IL27RA: variants seen among roughly 807,000 people sequenced by gnomAD.
IL27RA encodes interleukin-27 receptor subunit alpha.
A neutral mutation model predicts 80.8 loss-of-function variants in IL27RA; 61 were observed. The observed-to-expected ratio is 0.76, with a 90% CI of 0.61 to 0.93. The LOEUF (loss-of-function observed/expected upper bound fraction) is 0.93. Among genes scored for constraint, IL27RA ranks in the 40% least tolerant of loss-of-function variants. The pLI, the probability that IL27RA is intolerant of heterozygous loss-of-function variation, is 0.00. For synonymous variants in IL27RA, 316 were observed against 332.5 expected (o/e 0.95, Z 0.54); for missense variants, 735 against 808.1 (o/e 0.91, Z 1.10).
At chr19:14,032,254 C>G in intron 1 of IL27RA, 132 bp from the exon 2 acceptor site, 2 of 762,498 alleles carry the variant, frequency 2.6e-6, no homozygotes, top group Non-Finnish European at 4.4e-6. Flanking sequence ...GGGTGCCTAG[C>G]GCCTCCCTTC....
rs1423372403 is a variant in IL27RA at position 14,052,237 on chromosome 19, A to G, written c.1858A>G (p.Thr620Ala). ...TGGGTATGAGAAGCACTTCCTGCCC[A>G]CACCTGAGGAGCTGGGCCTTCTGGG... ...DSGYEKHFLP[T>A]PEELGLLGPP... The change falls in exon 14 of 14, where the codon ACA (threonine) becomes GCA (alanine). Residue 620 changes from threonine to alanine, a missense_variant. Transcript: ENST00000263379. 1.3e-6 allele frequency: 2 copies of G among 1,577,992 alleles called. No homozygotes were observed. The highest frequency in any genetic ancestry group is 1.8e-5 in the Admixed American group (1 of 55,222).
At chr19:14,042,649 TC>T (rs1976008022) in intron 5 of IL27RA, 37 bp downstream of exon 5, 1 of 1,613,702 alleles carries the variant, frequency 6.2e-7, no homozygotes, top group Non-Finnish European at 8.5e-7. Flanking sequence ...TCCACGCCCC[TC>T]CCACCCCCAG....
intron 6 of IL27RA, 137 bp downstream of exon 6, chr19:14,042,926 G>A (rs10402936): frequency 2.6e-6 from 2 of 757,560 alleles, no homozygotes; most frequent in Admixed American, 2.2e-5. Flanking sequence ...TGGATCACTT[G>A]AGGTCAGCAG....
At chr19:14,035,942 A>C (rs1975890660) in intron 2 of IL27RA, among the ~76,000 whole-genome samples, 1 of 151,758 alleles carries the variant, frequency 6.6e-6, no homozygotes, top group Non-Finnish European at 1.5e-5. Flanking sequence ...CACCATGACC[A>C]GCTAATTTTT....
chr19:14,032,256 C>G lies in IL27RA; in HGVS notation c.101-130C>G, dbSNP rs1317530286. The G allele has an allele frequency of 1.6e-5, 12 of 769,608 alleles. No homozygotes were observed. In the African/African-American group the frequency reaches 1.7e-4, roughly 11 times the overall value. The allele number at this position is 769,608 out of a possible 1,614,324, so 47.7% of individuals were successfully genotyped here. On this transcript the variant is annotated intron_variant, in intron 1 of 13. Coordinates refer to ENST00000263379, the MANE Select transcript of IL27RA (RefSeq NM_004843.4). Reference sequence around the variant, plus strand: ...GGAGCCCGGGCAGGGGTGCCTAGCGCCTCCCTTCCTGCTGCTCATTTCCCT... The same window carrying G: ...GGAGCCCGGGCAGGGGTGCCTAGCGGCTCCCTTCCTGCTGCTCATTTCCCT...
chr19:14,048,294 T>A (rs6511911), intron 8 of IL27RA, among the ~76,000 whole-genome samples: 38,099 of 145,104 alleles, frequency 0.26, 5,036 homozygotes, highest in East Asian at 0.3. Flanking sequence ...ATAAATAAAT[T>A]AATTAATTAA....
rs757649812 is a variant in IL27RA at position 14,042,662 on chromosome 19, A to C, written c.694+50A>C. 1.7e-5 allele frequency: 28 copies of C among 1,614,006 alleles called. No homozygotes were observed. The South Asian group carries it at 3.0e-4, about 17-fold the overall frequency. ...AATCCACGCCCCTCCCACCCCCAGA[A>C]GTCTGTCCAATCATGTCCCACTCAT... On this transcript the variant is annotated intron_variant, in intron 5 of 13. Coordinates refer to ENST00000263379, the MANE Select transcript of IL27RA (RefSeq NM_004843.4).
rs1683234363 is a variant in IL27RA at position 14,043,733 on chromosome 19, A to T, written c.768+944A>T. 4.0e-5 allele frequency among the ~76,000 whole-genome samples: 6 copies of T among 151,576 alleles called. No individual in the cohort carries two copies. In the South Asian group the frequency reaches 1.0e-3, roughly 26 times the overall value. On this transcript the variant is annotated intron_variant, in intron 6 of 13. Coordinates refer to ENST00000263379, the MANE Select transcript of IL27RA (RefSeq NM_004843.4). ...GCCACCGCGCCTGGCCTGTGCTAAG[A>T]GTTTAAATGCTAGTATCAAAAGGGT...
At position 14,050,820 on chromosome 19, in the gene IL27RA, G is replaced by C; in HGVS notation, c.1465G>C (p.Val489Leu). 4 of 1,613,620 alleles carry C rather than the reference G, an allele frequency of 2.5e-6. No homozygotes were observed. Among genetic ancestry groups the C allele is most frequent in the Non-Finnish European group, 3.4e-6 (4 of 1,179,614 alleles). ...DLPWGPCELW[V>L]TASTIAGQGP... is the part of the protein sequence containing the mutation. ...TCCTTGGGGTCCCTGTGAGCTGTGG[G>C]TGACAGCATCTACCATCGCTGGACA... Residue 489 changes from valine (V) to leucine (L), a missense_variant, in exon 11 of 14, where the codon GTG becomes CTG. By Grantham distance (32) the Val-to-Leu change is conservative. Coordinates refer to ENST00000263379, the MANE Select transcript of IL27RA (RefSeq NM_004843.4).
At chr19:14,044,739 A>C (rs1976039132) in intron 6 of IL27RA, among the ~76,000 whole-genome samples, 1 of 151,666 alleles carries the variant, frequency 6.6e-6, no homozygotes, top group Non-Finnish European at 1.5e-5. Flanking sequence ...TAATCCCAGC[A>C]CTTTGAGAGT....
chr19:14,044,709 G>A (rs1256855370), intron 6 of IL27RA, among the ~76,000 whole-genome samples: 1 of 151,918 alleles, frequency 6.6e-6, no homozygotes, highest in South Asian at 2.1e-4. Context: ...ATTTTGGACC[G>A]AGTGGGTGGC....
At chr19:14,043,344 C>T (rs968631812) in intron 6 of IL27RA, among the ~76,000 whole-genome samples, 2 of 151,986 alleles carry the variant, frequency 1.3e-5, no homozygotes, top group African/African-American at 4.8e-5. Context: ...CGGGCAGGGG[C>T]AGCAGATGCA....
At position 14,037,834 on chromosome 19, in the gene IL27RA, C is replaced by CTCTT. The variant is rs77898584; in HGVS notation, c.219-1673_219-1672insCTTT. Among the ~76,000 whole-genome samples, 359 of 129,406 alleles carry CTCTT rather than the reference C, an allele frequency of 2.8e-3. 3 individuals are homozygous for CTCTT. Among genetic ancestry groups the CTCTT allele is most frequent in the Middle Eastern group, 0.016 (4 of 244 alleles). The allele number at this position is 129,406 out of a possible 152,430, so 84.9% of individuals were successfully genotyped here. A position where few individuals can be genotyped will look rare whatever the true frequency, so the allele number is the denominator to read the frequency against. ...AGTGAGACCCTCTCGCTCTCTCTCT[C>CTCTT]TTTTTTTTTTTTTTTGAAATGGAGT... On this transcript the variant is annotated intron_variant, in intron 2 of 13. Transcript: ENST00000263379.
At chr19:14,046,391 T>C (rs1378624048) in intron 7 of IL27RA, 39 bp from the exon 8 acceptor site, 1 of 1,613,956 alleles carries the variant, frequency 6.2e-7, no homozygotes, top group Non-Finnish European at 8.5e-7. Flanking sequence ...GGGAAGTGAC[T>C]TCCTGAGTGG....
intron 4 of IL27RA, 39 bp from the exon 5 acceptor site, chr19:14,042,414 A>G: frequency 3.2e-6 from 5 of 1,580,326 alleles, no homozygotes; most frequent in Non-Finnish European, 3.4e-6. Flanking sequence ...CCCTTGACTC[A>G]GGCCCTGGGC....
chr19:14,039,743 C>T lies in IL27RA; in HGVS notation c.377-10C>T, dbSNP rs1975961874. The T allele has an allele frequency of 6.2e-7, 1 of 1,612,776 alleles. No individual in the cohort carries two copies. The highest frequency in any genetic ancestry group is 8.5e-7 in the Non-Finnish European group (1 of 1,179,252). On this transcript the variant is annotated splice_polypyrimidine_tract_variant and intron_variant, in intron 3 of 13. Coordinates refer to ENST00000263379, the MANE Select transcript of IL27RA (RefSeq NM_004843.4). ...CGTGGCTCACTACACCCTAGTTTCCCCTTCCCCAGTGAAGCCAAACGCCCC... is the reference window on the plus strand; with the variant it reads ...CGTGGCTCACTACACCCTAGTTTCCTCTTCCCCAGTGAAGCCAAACGCCCC...
At chr19:14,050,529 A>G (rs905161398) in intron 10 of IL27RA, among the ~76,000 whole-genome samples, 177 of 139,746 alleles carry the variant, frequency 1.3e-3, no homozygotes, top group Middle Eastern at 3.6e-3. Flanking sequence ...AAAAAAAAAA[A>G]AGAGAATCAA....
chr19:14,034,658 TAAA>T (rs75758451), intron 2 of IL27RA, among the ~76,000 whole-genome samples: 1 of 119,408 alleles, frequency 8.4e-6, no homozygotes, highest in African/African-American at 2.9e-5. Flanking sequence ...AGACTCTGTC[TAAA>T]AAAAAAAAAA....
chr19:14,032,086 C>T, intron 1 of IL27RA, 114 bp downstream of exon 1: 2 of 917,888 alleles, frequency 2.2e-6, no homozygotes, highest in Non-Finnish European at 3.3e-6. Flanking sequence ...GGTGCAGGCG[C>T]CACTCGGCTC....
Sources: allele counts gnomAD v4.1 joint callset (sites outside exome capture counted in the v4.1 genomes callset), GRCh38; gene constraint gnomAD v4.1.1; transcripts MANE v1.5; gene names NCBI Gene and HGNC (gene_info 2026-07-23, HGNC 2026-07-21).